EFCAB6: variants seen among roughly 807,000 people sequenced by gnomAD.
EFCAB6 encodes the protein EF-hand calcium-binding domain-containing protein 6.
A neutral mutation model predicts 169.8 loss-of-function variants in EFCAB6; 156 were observed. The ratio of observed to expected loss-of-function variants is 0.92; its 90% CI spans 0.81 to 1.05. EFCAB6 has a LOEUF of 1.05. EFCAB6 is among the 50% of genes least tolerant of loss of function. EFCAB6 has a pLI of 0.00. For synonymous variants in EFCAB6, 698 were observed against 676.4 expected (o/e 1.03, Z -0.50); for missense variants, 1,800 against 1,829.1 (o/e 0.98, Z 0.29).
At chr22:43,650,671 G>A (rs750935608) in intron 17 of EFCAB6, among the ~76,000 whole-genome samples, 4 of 152,172 alleles carry the variant, frequency 2.6e-5, no homozygotes, top group Non-Finnish European at 5.9e-5. Flanking sequence ...AGGAAAATGT[G>A]GGAAAGTTTG....
intron 26 of EFCAB6, among the ~76,000 whole-genome samples, chr22:43,563,688 G>T (rs2049229201): frequency 6.6e-6 from 1 of 152,232 alleles, no homozygotes; most frequent in Non-Finnish European, 1.5e-5. Flanking sequence ...GGTGATTACA[G>T]ATATTTCTGC....
intron 30 of EFCAB6, among the ~76,000 whole-genome samples, chr22:43,532,851 G>T (rs2047163065): frequency 6.6e-6 from 1 of 152,238 alleles, no homozygotes; most frequent in African/African-American, 2.4e-5. Flanking sequence ...CAGGGCCAGG[G>T]CTTTCAGCCC....
At chr22:43,697,585 TA>T (rs368992950) in intron 10 of EFCAB6, among the ~76,000 whole-genome samples, 2 of 152,140 alleles carry the variant, frequency 1.3e-5, no homozygotes, top group Admixed American at 6.5e-5. Flanking sequence ...TTTTCAAAAA[TA>T]AAAAATCAGC....
chr22:43,535,819 G>C (rs2047352582), intron 29 of EFCAB6: 1 of 152,232 alleles, frequency 6.6e-6, no homozygotes, highest in Admixed American at 6.5e-5. Flanking sequence ...GCCAGGCCAA[G>C]AGAGGCTGTT....
intron 7 of EFCAB6, 36 bp from the exon 8 acceptor site, chr22:43,731,847 T>A: frequency 7.2e-7 from 1 of 1,390,720 alleles, no homozygotes; most frequent in Non-Finnish European, 9.7e-7. Context: ...TGAGAAATTA[T>A]GAATCTAAAA....
At chr22:43,586,478 G>C (rs2051081386) in intron 24 of EFCAB6, among the ~76,000 whole-genome samples, 1 of 149,736 alleles carries the variant, frequency 6.7e-6, no homozygotes, top group African/African-American at 2.5e-5. Context: ...AAGAGGAAAG[G>C]GGTGCTAATA....
intron 1 of EFCAB6, among the ~76,000 whole-genome samples, chr22:43,809,447 G>C (rs2063028838): frequency 6.6e-6 from 1 of 152,040 alleles, no homozygotes; most frequent in South Asian, 2.1e-4. Context: ...GACTTGTAGA[G>C]TATATAAGTG....
chr22:43,608,340 C>T, intron 22 of EFCAB6, 142 bp downstream of exon 22: 1 of 691,462 alleles, frequency 1.4e-6, no homozygotes, highest in African/African-American at 1.8e-5. Context: ...AGGAAAGACA[C>T]AGGAGATGAG....
intron 9 of EFCAB6, among the ~76,000 whole-genome samples, chr22:43,713,156 T>C (rs1425417113): frequency 6.6e-6 from 1 of 152,154 alleles, no homozygotes; most frequent in East Asian, 1.9e-4. Context: ...TTTTTCATCA[T>C]ACCACTAAAA....
At chr22:43,796,917 T>A (rs2062530358) in intron 2 of EFCAB6, among the ~76,000 whole-genome samples, 2 of 152,186 alleles carry the variant, frequency 1.3e-5, no homozygotes, top group African/African-American at 2.4e-5. Context: ...GTGGATGGAA[T>A]CATTCTCTGA....
intron 26 of EFCAB6, among the ~76,000 whole-genome samples, chr22:43,560,770 AG>A (rs962247094): frequency 2.6e-5 from 4 of 152,248 alleles, no homozygotes; most frequent in African/African-American, 9.6e-5. Flanking sequence ...CAGAACCAAC[AG>A]AGTGGCGCCC....
intron 5 of EFCAB6, among the ~76,000 whole-genome samples, chr22:43,764,948 T>C (rs1184557123): frequency 3.9e-5 from 6 of 152,164 alleles, no homozygotes; most frequent in African/African-American, 1.4e-4. Context: ...TAAAAATGTA[T>C]AAAAACCTAC....
chr22:43,665,535 C>T (rs960137647), intron 17 of EFCAB6, among the ~76,000 whole-genome samples: 1 of 152,186 alleles, frequency 6.6e-6, no homozygotes, highest in South Asian at 2.1e-4. Context: ...GCTCATTATG[C>T]ATTACGGACA....
intron 4 of EFCAB6, among the ~76,000 whole-genome samples, chr22:43,766,566 G>C (rs897103022): frequency 2.0e-5 from 3 of 152,102 alleles, no homozygotes; most frequent in Non-Finnish European, 4.4e-5. Context: ...CCAGGCTGGA[G>C]TAAAGTGGCA....
chr22:43,544,642 C>T (rs1455779853), intron 27 of EFCAB6, among the ~76,000 whole-genome samples: 4 of 152,032 alleles, frequency 2.6e-5, no homozygotes, highest in Non-Finnish European at 4.4e-5. Context: ...TTGGCTGCCA[C>T]GTTCTTGGAC....
At chr22:43,758,348 TTGAG>T (rs1181741154) in intron 5 of EFCAB6, among the ~76,000 whole-genome samples, 3 of 152,298 alleles carry the variant, frequency 2.0e-5, no homozygotes, top group South Asian at 2.1e-4. Flanking sequence ...TTCTTTTGGA[TTGAG>T]TATTTTAAAA....
Position 43,534,890 on chromosome 22 carries a change from A to C in EFCAB6, c.4049-18T>G, listed in dbSNP as rs1243498458. 1 of 1,590,386 alleles carries C rather than the reference A, an allele frequency of 6.3e-7. No homozygotes were observed. The highest frequency in any genetic ancestry group is 8.5e-7 in the Non-Finnish European group (1 of 1,169,616). ...CACAAGAGCTACAGAAAAAAATGGC[A>C]GTTCAATTGGTGGCGATTCATTCAT... On this transcript the variant is annotated intron_variant, in intron 29 of 31. Transcript: ENST00000262726.
intron 8 of EFCAB6, among the ~76,000 whole-genome samples, chr22:43,726,622 G>A (rs1188513069): frequency 6.6e-6 from 1 of 152,210 alleles, no homozygotes; most frequent in African/African-American, 2.4e-5. Context: ...TTAGGAATTG[G>A]AAAACAGAGT....
intron 27 of EFCAB6, among the ~76,000 whole-genome samples, chr22:43,551,280 G>C (rs1156442950): frequency 6.6e-6 from 1 of 152,166 alleles, no homozygotes; most frequent in South Asian, 2.1e-4. Flanking sequence ...TGGAGCTCTG[G>C]GCTTTTGCTG....
Sources: gnomAD v4.1 joint callset for allele counts (sites outside exome capture counted in the v4.1 genomes callset) on GRCh38, gnomAD v4.1.1 for gene constraint, MANE v1.5 for transcripts, NCBI Gene and HGNC (gene_info 2026-07-23, HGNC 2026-07-21) for gene names.